Variants in KCNMA1 observed in about 807,000 individuals in gnomAD.
KCNMA1 encodes Calcium-activated potassium channel subunit alpha-1.
In KCNMA1, 29 loss-of-function variants were observed where a neutral mutation model predicts 140.0. The ratio of observed to expected loss-of-function variants is 0.21; its 90% CI spans 0.15 to 0.28. The LOEUF is 0.28. Ranked by LOEUF, KCNMA1 falls within the 10% of genes least tolerant of loss-of-function variation. KCNMA1 has a pLI of 1.00. For missense variants in KCNMA1, 880 were observed against 1,602.2 expected (o/e 0.55, Z 7.70); for synonymous variants, 612 against 611.9 (o/e 1.00, Z 0.00).
chr10:77,001,648 G>A, intron 18 of KCNMA1, 68 bp from the exon 19 acceptor site: 1 of 1,351,134 alleles, frequency 7.4e-7, no homozygotes, highest in Non-Finnish European at 1.0e-6. Flanking sequence ...CACACAGCAA[G>A]GCAGCTGGAA....
rs2037450520 is a variant in KCNMA1 at position 76,887,176 on chromosome 10, G to A, written c.*90C>T. On this transcript the variant is annotated 3_prime_UTR_variant, in exon 28 of 28. Coordinates refer to ENST00000286628, the MANE Select transcript of KCNMA1 (RefSeq NM_001161352.2). ...GTAAAAAAAAAGGGGGGGACTACAGGGGAAAACAGGGAAAGTTACTTTGTT... is the reference window on the plus strand; with the variant it reads ...GTAAAAAAAAAGGGGGGGACTACAGAGGAAAACAGGGAAAGTTACTTTGTT... 6.2e-7 allele frequency: 1 copy of A among 1,612,480 alleles called. No individual in the cohort carries two copies.
chr10:77,250,620 C>G (rs1024697054), intron 3 of KCNMA1: 1 of 164,894 alleles, frequency 6.1e-6, no homozygotes, highest in African/African-American at 2.4e-5. Context: ...ATGGCCAGGG[C>G]CTCCACCTCT....
At chr10:77,367,401 C>A (rs1031587989) in intron 2 of KCNMA1, among the ~76,000 whole-genome samples, 1 of 152,164 alleles carries the variant, frequency 6.6e-6, no homozygotes, top group African/African-American at 2.4e-5. Flanking sequence ...TGAGCTGAAT[C>A]TGCATGTTAC....
At chr10:76,919,304 A>G (rs1358000571) in intron 23 of KCNMA1, among the ~76,000 whole-genome samples, 3 of 152,190 alleles carry the variant, frequency 2.0e-5, no homozygotes, top group African/African-American at 7.2e-5. Flanking sequence ...CAATACCCCA[A>G]TAACTTCTGG....
chr10:76,943,424 G>A (rs1020359284), intron 23 of KCNMA1, among the ~76,000 whole-genome samples: 1 of 152,176 alleles, frequency 6.6e-6, no homozygotes, highest in Non-Finnish European at 1.5e-5. Flanking sequence ...CCACCAAAGG[G>A]GAAGGTTCTC....
At chr10:77,173,767 A>G (rs1389870788) in intron 5 of KCNMA1, among the ~76,000 whole-genome samples, 3 of 152,160 alleles carry the variant, frequency 2.0e-5, no homozygotes, top group Non-Finnish European at 4.4e-5. Flanking sequence ...GTCCAAGTTG[A>G]AAGTCAGCTG....
chr10:77,446,284 A>G (rs1364541107), intron 1 of KCNMA1, among the ~76,000 whole-genome samples: 1 of 152,224 alleles, frequency 6.6e-6, no homozygotes, highest in African/African-American at 2.4e-5. Flanking sequence ...CTGAGGAAAC[A>G]GATAAGCCAT....
chr10:77,501,816 C>G (rs77876349), intron 1 of KCNMA1, among the ~76,000 whole-genome samples: 3 of 152,244 alleles, frequency 2.0e-5, no homozygotes, highest in East Asian at 1.9e-4. Flanking sequence ...AACAAATTCT[C>G]TCTGTCTGTG....
At chr10:77,256,885 C>T (rs2060878771) in intron 2 of KCNMA1, among the ~76,000 whole-genome samples, 1 of 152,092 alleles carries the variant, frequency 6.6e-6, no homozygotes, top group African/African-American at 2.4e-5. Flanking sequence ...AGGAAGATTG[C>T]TTGAGCTCAG....
At chr10:77,204,042 G>A (rs2043259404) in intron 3 of KCNMA1, among the ~76,000 whole-genome samples, 1 of 150,394 alleles carries the variant, frequency 6.6e-6, no homozygotes, top group Admixed American at 6.6e-5. Flanking sequence ...GTTGCAGCAA[G>A]CCAAGATCAC....
At chr10:76,906,864 T>C in intron 25 of KCNMA1, among the ~76,000 whole-genome samples, 1 of 152,218 alleles carries the variant, frequency 6.6e-6, no homozygotes, top group Admixed American at 6.5e-5. Flanking sequence ...CAACTAGATT[T>C]GTGGACTCAG....
chr10:77,197,687 G>T (rs545539196), intron 3 of KCNMA1, among the ~76,000 whole-genome samples: 1 of 152,288 alleles, frequency 6.6e-6, no homozygotes, highest in South Asian at 2.1e-4. Context: ...ACATGCTTGG[G>T]CAGTGCAGGA....
chr10:76,881,981 T>A (rs2034856386), downstream of KCNMA1, among the ~76,000 whole-genome samples: 1 of 152,170 alleles, frequency 6.6e-6, no homozygotes, highest in South Asian at 2.1e-4. Context: ...CATCTGTTTC[T>A]TGCATTTCTA....
intron 2 of KCNMA1, among the ~76,000 whole-genome samples, chr10:77,369,243 C>T (rs533978781): frequency 6.6e-6 from 1 of 152,272 alleles, no homozygotes; most frequent in African/African-American, 2.4e-5. Flanking sequence ...CAGGTAATTT[C>T]CCTGTACATT....
chr10:77,381,118 C>G (rs1489115884), intron 2 of KCNMA1, among the ~76,000 whole-genome samples: 1 of 152,132 alleles, frequency 6.6e-6, no homozygotes, highest in African/African-American at 2.4e-5. Flanking sequence ...AGGCTCTCAT[C>G]CATTCGTTCA....
At chr10:76,894,693 A>C (rs1007385295) in intron 25 of KCNMA1, among the ~76,000 whole-genome samples, 3 of 152,224 alleles carry the variant, frequency 2.0e-5, no homozygotes, top group Non-Finnish European at 4.4e-5. Context: ...AAAAGATATA[A>C]AAGTGGTTAA....
At chr10:77,228,976 G>A (rs1435894096) in intron 3 of KCNMA1, among the ~76,000 whole-genome samples, 1 of 152,198 alleles carries the variant, frequency 6.6e-6, no homozygotes, top group Non-Finnish European at 1.5e-5. Flanking sequence ...TGAAAGATGT[G>A]GCTGAAGTTT....
chr10:77,624,191 A>C (rs919566666), intron 1 of KCNMA1, among the ~76,000 whole-genome samples: 7 of 152,212 alleles, frequency 4.6e-5, no homozygotes, highest in Non-Finnish European at 1.0e-4. Flanking sequence ...AAAAGGATCA[A>C]AGTAAGTTGA....
intron 1 of KCNMA1, among the ~76,000 whole-genome samples, chr10:77,614,704 G>C (rs1208371302): frequency 6.6e-6 from 1 of 152,174 alleles, no homozygotes; most frequent in Non-Finnish European, 1.5e-5. Flanking sequence ...GGGGAGGCAA[G>C]AGAGGAACCC....
Sources: gnomAD v4.1 joint callset for allele counts (sites outside exome capture counted in the v4.1 genomes callset) on GRCh38, gnomAD v4.1.1 for gene constraint, MANE v1.5 for transcripts, NCBI Gene and HGNC (gene_info 2026-07-23, HGNC 2026-07-21) for gene names.